TMC1: variants seen among roughly 807,000 people sequenced by gnomAD.
TMC1 encodes transmembrane channel like 1, also known as transmembrane channel-like protein 1.
Under a neutral mutation model 105.8 loss-of-function variants are expected in TMC1, and 84 were observed. The ratio of observed to expected loss-of-function variants is 0.79; its 90% CI spans 0.67 to 0.95. TMC1 has a LOEUF of 0.95. Among genes scored for constraint, TMC1 ranks in the 40% least tolerant of loss-of-function variants. TMC1 has a pLI of 0.00. For missense variants in TMC1, 817 were observed against 914.1 expected (o/e 0.89, Z 1.37); for synonymous variants, 315 against 311.5 (o/e 1.01, Z -0.12).
At chr9:72,729,380 A>G (rs1827170610) in intron 8 of TMC1, among the ~76,000 whole-genome samples, 1 of 152,126 alleles carries the variant, frequency 6.6e-6, no homozygotes, top group African/African-American at 2.4e-5. Context: ...ATGAAAATGT[A>G]CATGCAATTC....
intron 12 of TMC1, among the ~76,000 whole-genome samples, chr9:72,762,966 A>G (rs1314268841): frequency 6.6e-6 from 1 of 151,694 alleles, no homozygotes; most frequent in Non-Finnish European, 1.5e-5. Context: ...GCTACTCCTG[A>G]GTGACTTTAT....
chr9:72,807,476 C>T lies in TMC1; in HGVS notation c.1695+1966C>T, dbSNP rs1828624383. On this transcript the variant is annotated intron_variant, in intron 18 of 23. Coordinates refer to ENST00000297784, the MANE Select transcript of TMC1 (RefSeq NM_138691.3). ...GTTTACAATATTCTAGTAAAATTAG[C>T]ACAAGATAGCAAAAGCAATGGACCT... 2.6e-5 allele frequency among the ~76,000 whole-genome samples: 4 copies of T among 152,120 alleles called. 1 individual carries two copies. Among genetic ancestry groups the T allele is most frequent in the South Asian group, 4.1e-4 (2 of 4,830 alleles).
At chr9:72,593,790 G>T (rs1019424972) in intron 2 of TMC1, among the ~76,000 whole-genome samples, 3 of 152,252 alleles carry the variant, frequency 2.0e-5, no homozygotes, top group African/African-American at 7.2e-5. Flanking sequence ...CTCAAAGACT[G>T]AAGGGTATTT....
chr9:72,582,204 G>A (rs1824486933), intron 2 of TMC1, among the ~76,000 whole-genome samples: 1 of 152,146 alleles, frequency 6.6e-6, no homozygotes, highest in Non-Finnish European at 1.5e-5. Context: ...TGATCCACCC[G>A]CCTCAGTCTC....
chr9:72,703,545 A>G (rs7022172), intron 8 of TMC1, among the ~76,000 whole-genome samples: 55 of 152,344 alleles, frequency 3.6e-4, no homozygotes, highest in Non-Finnish European at 3.7e-4. Flanking sequence ...CCTGGCCTCT[A>G]TTAATGGGGC....
intron 12 of TMC1, among the ~76,000 whole-genome samples, chr9:72,762,994 T>C (rs767956983): frequency 6.6e-5 from 10 of 152,036 alleles, no homozygotes; most frequent in Non-Finnish European, 1.5e-4. Context: ...CTCTAGCTTG[T>C]GACGAGAGAG....
chr9:72,727,630 G>T (rs975222701), intron 8 of TMC1, among the ~76,000 whole-genome samples: 9 of 152,122 alleles, frequency 5.9e-5, no homozygotes. Context: ...GATTAGAATT[G>T]TTGAGATATG....
rs139808285 is a variant in TMC1, at chr9:72,605,314, T to C, written c.-305-11054T>C. ...TGGGGATGAGGAATCCAGAAGCAGA[T>C]TCACTGGGTGGTTCTGGCTCAAAGT... On this transcript the variant is annotated intron_variant, in intron 2 of 23. Coordinates refer to ENST00000297784, the MANE Select transcript of TMC1 (RefSeq NM_138691.3). Among the ~76,000 whole-genome samples the C allele has an allele frequency of 2.6e-3, 395 of 152,308 alleles. 6 individuals are homozygous for C. Among genetic ancestry groups the C allele is most frequent in the African/African-American group, 8.9e-3 (370 of 41,566 alleles).
At chr9:72,571,519 C>G (rs1023800103) in intron 1 of TMC1, among the ~76,000 whole-genome samples, 1 of 148,894 alleles carries the variant, frequency 6.7e-6, no homozygotes, top group Non-Finnish European at 1.5e-5. Context: ...GCAATCTTGG[C>G]TCACTGCACC....
intron 23 of TMC1, 36 bp from the exon 24 acceptor site, chr9:72,835,915 G>GTTTTCTTTT: frequency 1.5e-6 from 2 of 1,314,682 alleles, no homozygotes; most frequent in East Asian, 5.1e-5. Flanking sequence ...CTCTCTCCTT[G>GTTTTCTTTT]TTTTTTTTTT....
At chr9:72,629,685 G>C (rs1825414368) in intron 4 of TMC1, among the ~76,000 whole-genome samples, 1 of 152,098 alleles carries the variant, frequency 6.6e-6, no homozygotes, top group Admixed American at 6.6e-5. Flanking sequence ...ACTTATATGA[G>C]ACATAGCAAA....
At chr9:72,833,508 A>G (rs77911121) in intron 23 of TMC1, among the ~76,000 whole-genome samples, 9 of 152,216 alleles carry the variant, frequency 5.9e-5, no homozygotes, top group Non-Finnish European at 1.0e-4. Context: ...CTGTCATTCA[A>G]CAGGATCTCT....
At chr9:72,777,009 T>TA (rs528426474) in intron 13 of TMC1, among the ~76,000 whole-genome samples, 2,106 of 150,354 alleles carry the variant, frequency 0.014, 23 homozygotes, top group African/African-American at 0.016. Context: ...AACGTTTTGT[T>TA]AAAAAAAAAA....
chr9:72,725,772 G>T (rs1827113985), intron 8 of TMC1, among the ~76,000 whole-genome samples: 1 of 151,942 alleles, frequency 6.6e-6, no homozygotes, highest in East Asian at 1.9e-4. Flanking sequence ...CTAACTGCAA[G>T]CTCTGCCTCC....
At chr9:72,634,706 G>A (rs534004257) in intron 4 of TMC1, among the ~76,000 whole-genome samples, 4 of 152,230 alleles carry the variant, frequency 2.6e-5, no homozygotes, top group African/African-American at 9.6e-5. Flanking sequence ...CTTTAGACTG[G>A]GTGGAGATAA....
intron 5 of TMC1, among the ~76,000 whole-genome samples, chr9:72,671,329 A>G (rs1458383362): frequency 6.6e-6 from 1 of 152,204 alleles, no homozygotes; most frequent in African/African-American, 2.4e-5. Flanking sequence ...TGAGGGACTT[A>G]TGATCTGCTT....
intron 8 of TMC1, among the ~76,000 whole-genome samples, chr9:72,717,667 T>G (rs986365049): frequency 6.6e-6 from 1 of 152,242 alleles, no homozygotes; most frequent in African/African-American, 2.4e-5. Context: ...AATCTGCTGT[T>G]ACTCTGATAG....
At position 72,787,278 on chromosome 9, in the gene TMC1, G is replaced by A. The variant is rs118156526; in HGVS notation, c.885-1061G>A. Reference sequence around the variant, plus strand: ...ACAATCACCATTTGCAAAGGGTAAAGTGGTAGATGGATGAAAGGAATAATG... The same window carrying A: ...ACAATCACCATTTGCAAAGGGTAAAATGGTAGATGGATGAAAGGAATAATG... On this transcript the variant is annotated intron_variant, in intron 13 of 23. Coordinates refer to ENST00000297784, the MANE Select transcript of TMC1 (RefSeq NM_138691.3). Among the ~76,000 whole-genome samples, 879 of 152,272 alleles carry A rather than the reference G, an allele frequency of 5.8e-3. 2 individuals are homozygous for A. Among genetic ancestry groups the A allele is most frequent in the Non-Finnish European group, 0.01 (689 of 68,022 alleles).
chr9:72,551,394 A>G (rs774124034), intron 1 of TMC1, among the ~76,000 whole-genome samples: 10 of 152,190 alleles, frequency 6.6e-5, no homozygotes, highest in Non-Finnish European at 1.3e-4. Context: ...ACAGAAACAA[A>G]GCAAAACAAA....
Sources: allele counts gnomAD v4.1 joint callset (sites outside exome capture counted in the v4.1 genomes callset), GRCh38; gene constraint gnomAD v4.1.1; transcripts MANE v1.5; gene names NCBI Gene and HGNC (gene_info 2026-07-23, HGNC 2026-07-21).